The following CMSS1 variants were observed in gnomAD, a reference collection of about 807,000 sequenced individuals.
The protein encoded by CMSS1 is protein CMSS1.
A neutral mutation model predicts 43.5 loss-of-function variants in CMSS1; 33 were observed. The ratio of observed to expected loss-of-function variants is 0.76; its 90% CI spans 0.57 to 1.01. The LOEUF is 1.01. Among genes scored for constraint, CMSS1 ranks in the 50% least tolerant of loss-of-function variants. The pLI is 0.00. For synonymous variants in CMSS1, 115 were observed against 117.2 expected (o/e 0.98, Z 0.12); for missense variants, 313 against 326.4 (o/e 0.96, Z 0.32).
At chr3:100,123,199 C>CCT (rs750820667) in intron 1 of CMSS1, among the ~76,000 whole-genome samples, 74 of 152,242 alleles carry the variant, frequency 4.9e-4, no homozygotes, top group Non-Finnish European at 9.0e-4. Flanking sequence ...TCAGAGGAGA[C>CCT]CTCTCTCTGA....
At chr3:100,084,174 C>A (rs980467027) in intron 1 of CMSS1, among the ~76,000 whole-genome samples, 2 of 152,064 alleles carry the variant, frequency 1.3e-5, no homozygotes, top group Non-Finnish European at 2.9e-5. Context: ...CATTTGTGCC[C>A]CAGTTAAGCA....
intron 1 of CMSS1, among the ~76,000 whole-genome samples, chr3:99,955,888 A>G (rs1490494501): frequency 6.6e-6 from 1 of 152,102 alleles, no homozygotes; most frequent in Admixed American, 6.5e-5. Context: ...AATTAAACGC[A>G]TCTTCTCTGT....
At chr3:100,153,090 T>G (rs1056319643) in intron 2 of CMSS1, among the ~76,000 whole-genome samples, 1 of 152,204 alleles carries the variant, frequency 6.6e-6, no homozygotes, top group African/African-American at 2.4e-5. Context: ...AAATATACCA[T>G]TCAATGAATT....
intron 1 of CMSS1, among the ~76,000 whole-genome samples, chr3:100,117,830 T>TATATATATATATATATATATATATAC (rs2066585376): frequency 1.1e-5 from 1 of 87,762 alleles, no homozygotes; most frequent in African/African-American, 5.3e-5. Context: ...CTGCAGTATA[T>TATATATATATATATATATATATATAC]ATATATATAT....
intron 1 of CMSS1, among the ~76,000 whole-genome samples, chr3:99,888,933 G>C (rs756849473): frequency 5.9e-5 from 9 of 152,092 alleles, no homozygotes; most frequent in Admixed American, 5.9e-4. Flanking sequence ...TTTTTAGGTA[G>C]AGGAAGAGCA....
intron 1 of CMSS1, among the ~76,000 whole-genome samples, chr3:100,131,994 T>C (rs2066712737): frequency 6.6e-6 from 1 of 152,242 alleles, no homozygotes; most frequent in Admixed American, 6.5e-5. Flanking sequence ...GATTATGTAC[T>C]TTGAAATAGA....
At chr3:100,037,812 T>A (rs1235366325) in intron 1 of CMSS1, among the ~76,000 whole-genome samples, 3 of 152,168 alleles carry the variant, frequency 2.0e-5, no homozygotes, top group Non-Finnish European at 4.4e-5. Flanking sequence ...TAACTTGACC[T>A]CCAGTACAGA....
intron 1 of CMSS1, among the ~76,000 whole-genome samples, chr3:99,912,099 G>T (rs1411032702): frequency 1.3e-5 from 2 of 152,032 alleles, no homozygotes; most frequent in African/African-American, 2.4e-5. Context: ...TATCTATCTT[G>T]TTGGTCATTT....
chr3:100,057,334 G>A (rs1447971461), intron 1 of CMSS1, among the ~76,000 whole-genome samples: 1 of 152,162 alleles, frequency 6.6e-6, no homozygotes, highest in Non-Finnish European at 1.5e-5. Flanking sequence ...TCTAGGCCAA[G>A]CTTCTTGCCC....
intron 1 of CMSS1, among the ~76,000 whole-genome samples, chr3:100,011,999 C>G (rs1710170197): frequency 6.6e-6 from 1 of 152,088 alleles, no homozygotes; most frequent in South Asian, 2.1e-4. Context: ...TGATAATTCC[C>G]ATATCAATTA....
chr3:99,848,017 A>C, intron 1 of CMSS1: 6 of 1,135,216 alleles, frequency 5.3e-6, no homozygotes, highest in Non-Finnish European at 6.5e-6. Flanking sequence ...ATGGAAAATG[A>C]AATACATAAA....
chr3:99,877,435 A>G (rs1165882899), intron 1 of CMSS1, among the ~76,000 whole-genome samples: 1 of 152,174 alleles, frequency 6.6e-6, no homozygotes, highest in Non-Finnish European at 1.5e-5. Context: ...GCAGGGCACA[A>G]CATTAAATGT....
chr3:100,168,997 G>A (rs1366458981), intron 6 of CMSS1, among the ~76,000 whole-genome samples: 1 of 151,890 alleles, frequency 6.6e-6, no homozygotes, highest in Non-Finnish European at 1.5e-5. Context: ...GATCAGATGA[G>A]TGGAACAGAA....
intron 1 of CMSS1, chr3:100,114,959 G>A: frequency 2.0e-6 from 3 of 1,535,990 alleles, no homozygotes; most frequent in Non-Finnish European, 2.6e-6. Context: ...CGAGGGCAAA[G>A]TGCTGAGGAA....
intron 1 of CMSS1, among the ~76,000 whole-genome samples, chr3:100,020,760 C>CTT (rs34665880): frequency 0.06 from 4,280 of 71,130 alleles, 595 homozygotes; most frequent in African/African-American, 0.13. Flanking sequence ...GAATAATTAG[C>CTT]TTTTTTTTTT....
chr3:100,085,199 A>T (rs964393037), intron 1 of CMSS1, among the ~76,000 whole-genome samples: 1 of 152,226 alleles, frequency 6.6e-6, no homozygotes, highest in Admixed American at 6.5e-5. Flanking sequence ...TAAGGTGATT[A>T]TACCGTACAA....
chr3:99,842,207 A>G (rs924433451), intron 1 of CMSS1, among the ~76,000 whole-genome samples: 6 of 152,166 alleles, frequency 3.9e-5, no homozygotes, highest in South Asian at 2.1e-4. Context: ...ATTGGAGACT[A>G]TTGTTCTAAG....
Position 100,009,167 on chromosome 3 carries a change from C to T in CMSS1, c.65-137806C>T, listed in dbSNP as rs538620637. The stretch of plus-strand genomic sequence containing the variant: ...GTGCAAGTGACTGAACTTACTGAGG[C>T]CTGTTTCAATTTGATCACTCAAAGC... On this transcript the variant is annotated intron_variant, in intron 1 of 9. Coordinates refer to ENST00000421999, the MANE Select transcript of CMSS1 (RefSeq NM_032359.4). 2.5e-4 allele frequency among the ~76,000 whole-genome samples: 38 copies of T among 152,262 alleles called. No individual in the cohort carries two copies. In the South Asian group the frequency reaches 6.8e-3, roughly 27 times the overall value.
intron 6 of CMSS1, 58 bp from the exon 7 acceptor site, chr3:100,171,781 T>G: frequency 1.5e-6 from 2 of 1,342,372 alleles, no homozygotes; most frequent in Non-Finnish European, 2.1e-6. Flanking sequence ...ACTTAAGTAG[T>G]CATCGTGGCC....
Sources: gnomAD v4.1 joint callset for allele counts (sites outside exome capture counted in the v4.1 genomes callset) on GRCh38, gnomAD v4.1.1 for gene constraint, MANE v1.5 for transcripts, NCBI Gene and HGNC (gene_info 2026-07-23, HGNC 2026-07-21) for gene names.